LOC112694756: variants seen among roughly 807,000 people sequenced by gnomAD.
chr16:30,068,133 T>C, the LOC112694756 span: 1 of 259,284 alleles, frequency 3.9e-6, no homozygotes, highest in South Asian at 4.0e-5. Context: ...TGCGATCTCT[T>C]GGCTCACTGC....
At chr16:30,062,535 A>T in the LOC112694756 span, among the ~76,000 whole-genome samples, 1 of 150,896 alleles carries the variant, frequency 6.6e-6, no homozygotes, top group Non-Finnish European at 1.5e-5. Flanking sequence ...CGTCTCAAAA[A>T]AAAAAAAAAA....
chr16:30,054,170 A>G, the LOC112694756 span, among the ~76,000 whole-genome samples: 1 of 151,994 alleles, frequency 6.6e-6, no homozygotes, highest in African/African-American at 2.4e-5. Context: ...AAATACAAAC[A>G]TTAGCTGGGC....
chr16:30,059,361 G>A, the LOC112694756 span, among the ~76,000 whole-genome samples: 50 of 151,916 alleles, frequency 3.3e-4, no homozygotes, highest in South Asian at 2.7e-3. Context: ...AGCCGGGCGT[G>A]GTGGCGGGCG....
the LOC112694756 span, chr16:30,067,480 GCACCGAGAA>G: frequency 6.2e-7 from 1 of 1,613,238 alleles, no homozygotes; most frequent in Non-Finnish European, 8.5e-7. Flanking sequence ...CAGTCCATTG[GCACCGAGAA>G]CACCGAGGAG....
At chr16:30,062,530 CAAAAAAAA>C in the LOC112694756 span, among the ~76,000 whole-genome samples, 1 of 58,616 alleles carries the variant, frequency 1.7e-5, no homozygotes, top group Admixed American at 2.0e-4. Context: ...GACTCCGTCT[CAAAAAAAA>C]AAAAAAAAAA....
the LOC112694756 span, chr16:30,064,173 G>A: frequency 2.5e-6 from 1 of 398,162 alleles, no homozygotes; most frequent in Non-Finnish European, 4.4e-6. Context: ...TATAGGAGGA[G>A]TCTGGCCCTT....
At chr16:30,067,089 G>A in the LOC112694756 span, 278 of 1,569,586 alleles carry the variant, frequency 1.8e-4, no homozygotes, top group Non-Finnish European at 2.3e-4. Flanking sequence ...GAGAGCTGGG[G>A]ACCAGAAGTG....
At chr16:30,057,033 C>T in the LOC112694756 span, among the ~76,000 whole-genome samples, 49,387 of 151,474 alleles carry the variant, frequency 0.33, 8,788 homozygotes, top group South Asian at 0.43. Context: ...GCCTCAGCCT[C>T]CCAAGTAGCT....
chr16:30,057,000 T>C, the LOC112694756 span, among the ~76,000 whole-genome samples: 1 of 150,926 alleles, frequency 6.6e-6, no homozygotes, highest in African/African-American at 2.4e-5. Context: ...AATCTCTGCC[T>C]ACTGGGTTCA....
chr16:30,069,724 C>T, the LOC112694756 span: 9 of 1,611,670 alleles, frequency 5.6e-6, no homozygotes, highest in Non-Finnish European at 7.6e-6. Flanking sequence ...GCTCCACCCA[C>T]AACCCTATGC....
chr16:30,067,963 A>G, the LOC112694756 span: 1 of 471,196 alleles, frequency 2.1e-6, no homozygotes, highest in Non-Finnish European at 3.9e-6. Context: ...ATAACATCCC[A>G]GTGTATCCTG....
the LOC112694756 span, chr16:30,066,993 C>G: frequency 5.1e-6 from 8 of 1,562,068 alleles, no homozygotes; most frequent in Non-Finnish European, 6.9e-6. Flanking sequence ...GTGGGCAACT[C>G]CACCCTCAGC....
chr16:30,064,446 C>T, the LOC112694756 span: 2 of 398,624 alleles, frequency 5.0e-6, no homozygotes, highest in African/African-American at 4.1e-5. Context: ...AGATTTATTT[C>T]TCTTGACAAC....
chr16:30,069,133 C>A, the LOC112694756 span: 5 of 1,368,606 alleles, frequency 3.7e-6, no homozygotes, highest in Non-Finnish European at 5.1e-6. Flanking sequence ...GCAGAGGGGC[C>A]AAGGAGGGAT....
chr16:30,069,296 C>G, the LOC112694756 span: 1 of 1,614,140 alleles, frequency 6.2e-7, no homozygotes, highest in Non-Finnish European at 8.5e-7. Context: ...CCCTGTCCCT[C>G]GCCCTGCAGA....
At chr16:30,054,657 G>A in the LOC112694756 span, 1 of 397,656 alleles carries the variant, frequency 2.5e-6, no homozygotes. Context: ...GTGTAGTCCT[G>A]TTGACGCTCT....
chr16:30,058,715 C>T, the LOC112694756 span, among the ~76,000 whole-genome samples: 1 of 151,922 alleles, frequency 6.6e-6, no homozygotes, highest in Non-Finnish European at 1.5e-5. Context: ...ATCTCCTGAC[C>T]TCGTGATCCG....
the LOC112694756 span, among the ~76,000 whole-genome samples, chr16:30,059,877 C>G: frequency 6.6e-6 from 1 of 151,996 alleles, no homozygotes; most frequent in African/African-American, 2.4e-5. Context: ...AAGAACAGCT[C>G]TCTTTCGTCC....
At chr16:30,066,116 C>A in the LOC112694756 span, 1 of 152,660 alleles carries the variant, frequency 6.6e-6, no homozygotes, top group Non-Finnish European at 1.5e-5. Flanking sequence ...CGGCTGCGCG[C>A]GCTGAGTCAT....
Sources: gnomAD v4.1 joint callset for allele counts (sites outside exome capture counted in the v4.1 genomes callset) on GRCh38, gnomAD v4.1.1 for gene constraint, MANE v1.5 for transcripts.